Variants in TMEM108 observed in about 807,000 individuals in gnomAD.
The protein encoded by TMEM108 is cancer/testis antigen 124.
In TMEM108, 12 loss-of-function variants were observed where a neutral mutation model predicts 35.1. The observed-to-expected ratio is 0.34, with a 90% CI of 0.22 to 0.55. The LOEUF is 0.55. TMEM108 is among the 20% of genes least tolerant of loss of function. The probability of loss-of-function intolerance (pLI) is 0.89; values close to 1 mark genes in which losing one functional copy is unlikely to be tolerated. For missense variants in TMEM108, 680 were observed against 753.3 expected (o/e 0.90, Z 1.14); for synonymous variants, 287 against 308.6 (o/e 0.93, Z 0.73).
chr3:133,345,496 A>G (rs1185989562), intron 3 of TMEM108, among the ~76,000 whole-genome samples: 1 of 151,882 alleles, frequency 6.6e-6, no homozygotes, highest in Non-Finnish European at 1.5e-5. Context: ...CATGCCTTCC[A>G]CCATGATTAC....
intron 2 of TMEM108, among the ~76,000 whole-genome samples, chr3:133,139,046 T>C (rs1344372999): frequency 6.6e-6 from 1 of 152,152 alleles, no homozygotes; most frequent in Non-Finnish European, 1.5e-5. Context: ...GTTAGTTTGC[T>C]GAGAATGATG....
At chr3:133,049,064 A>C (rs1019826827) in intron 2 of TMEM108, among the ~76,000 whole-genome samples, 1 of 152,186 alleles carries the variant, frequency 6.6e-6, no homozygotes, top group South Asian at 2.1e-4. Flanking sequence ...TTTGAGAAGC[A>C]TTGCTTTGTT....
At chr3:133,353,746 A>G (rs2072076613) in intron 3 of TMEM108, among the ~76,000 whole-genome samples, 2 of 152,194 alleles carry the variant, frequency 1.3e-5, no homozygotes, top group Admixed American at 1.3e-4. Flanking sequence ...ACACACATAG[A>G]GGTGGTTTAG....
intron 3 of TMEM108, among the ~76,000 whole-genome samples, chr3:133,277,744 G>A (rs1946857694): frequency 6.6e-6 from 1 of 152,208 alleles, no homozygotes; most frequent in African/African-American, 2.4e-5. Context: ...TGGAGGTGAT[G>A]TTTGCAAGGC....
intron 2 of TMEM108, among the ~76,000 whole-genome samples, chr3:133,048,636 A>G (rs1943367308): frequency 6.6e-6 from 1 of 152,184 alleles, no homozygotes; most frequent in African/African-American, 2.4e-5. Context: ...GGTCCCTGTG[A>G]TTATTAGACT....
chr3:133,113,829 G>A (rs1186448141), intron 2 of TMEM108, among the ~76,000 whole-genome samples: 4 of 152,112 alleles, frequency 2.6e-5, no homozygotes, highest in African/African-American at 4.8e-5. Flanking sequence ...TTGGTTCTGG[G>A]TCCCAAGGCA....
intron 4 of TMEM108, among the ~76,000 whole-genome samples, chr3:133,384,507 A>G (rs1453897356): frequency 1.3e-5 from 2 of 152,192 alleles, no homozygotes; most frequent in Non-Finnish European, 1.5e-5. Flanking sequence ...GGGCTGAGAA[A>G]TGCTTTTCTC....
chr3:133,286,600 T>C (rs1300321683), intron 3 of TMEM108, among the ~76,000 whole-genome samples: 1 of 152,212 alleles, frequency 6.6e-6, no homozygotes, highest in Non-Finnish European at 1.5e-5. Flanking sequence ...GCCTCCCAGA[T>C]TGCTGGTATT....
intron 2 of TMEM108, among the ~76,000 whole-genome samples, chr3:133,088,805 G>A (rs932282911): frequency 7.2e-5 from 11 of 152,186 alleles, no homozygotes; most frequent in African/African-American, 2.7e-4. Flanking sequence ...AAGATTGACT[G>A]TGTCACAGCC....
At chr3:133,193,572 G>T (rs557673283) in intron 2 of TMEM108, among the ~76,000 whole-genome samples, 63 of 152,220 alleles carry the variant, frequency 4.1e-4, no homozygotes, top group African/African-American at 1.5e-3. Context: ...TAAGATTGCC[G>T]ATACCTATTT....
intron 3 of TMEM108, among the ~76,000 whole-genome samples, chr3:133,358,069 T>C (rs957615887): frequency 2.6e-5 from 4 of 152,186 alleles, no homozygotes; most frequent in African/African-American, 7.2e-5. Context: ...TGTCTACCAC[T>C]TACCTGGCCA....
At chr3:133,283,481 C>A (rs1946943438) in intron 3 of TMEM108, among the ~76,000 whole-genome samples, 1 of 152,186 alleles carries the variant, frequency 6.6e-6, no homozygotes, top group Non-Finnish European at 1.5e-5. Context: ...ATATGCTGTG[C>A]AATTTAATTA....
intron 3 of TMEM108, among the ~76,000 whole-genome samples, chr3:133,230,093 C>A (rs1946130816): frequency 1.3e-5 from 2 of 152,180 alleles, no homozygotes; most frequent in South Asian, 4.1e-4. Flanking sequence ...CGCTCCAGGT[C>A]AAACCAAAGC....
At chr3:133,200,923 A>G (rs543131049) in intron 2 of TMEM108, among the ~76,000 whole-genome samples, 1 of 152,194 alleles carries the variant, frequency 6.6e-6, no homozygotes, top group African/African-American at 2.4e-5. Context: ...TAGCTACTCT[A>G]TTGGACAGTA....
intron 3 of TMEM108, among the ~76,000 whole-genome samples, chr3:133,255,455 A>G (rs1330385824): frequency 6.6e-6 from 1 of 152,230 alleles, no homozygotes; most frequent in East Asian, 1.9e-4. Context: ...ATGTACTAAA[A>G]CAGAGCTTAA....
intron 1 of TMEM108, among the ~76,000 whole-genome samples, chr3:133,041,318 C>A (rs1943273243): frequency 6.6e-6 from 1 of 152,130 alleles, no homozygotes; most frequent in African/African-American, 2.4e-5. Flanking sequence ...AAAAGAAGGG[C>A]TCACAGAGAC....
intron 2 of TMEM108, among the ~76,000 whole-genome samples, chr3:133,067,583 G>A (rs1219247591): frequency 2.0e-5 from 3 of 152,112 alleles, no homozygotes; most frequent in African/African-American, 7.2e-5. Flanking sequence ...CTTCAGTCGT[G>A]GTTCTCTATT....
At chr3:133,340,496 C>T (rs560010895) in intron 3 of TMEM108, among the ~76,000 whole-genome samples, 1 of 151,454 alleles carries the variant, frequency 6.6e-6, no homozygotes, top group African/African-American at 2.4e-5. Flanking sequence ...ATTTAAAGAA[C>T]AACTAATACC....
intron 4 of TMEM108, chr3:133,388,984 C>T: frequency 2.0e-6 from 2 of 985,740 alleles, no homozygotes; most frequent in Non-Finnish European, 2.4e-6. Flanking sequence ...TGGTTGGCAC[C>T]ACCAGGATGT....
Sources: gnomAD v4.1 joint callset for allele counts (sites outside exome capture counted in the v4.1 genomes callset) on GRCh38, gnomAD v4.1.1 for gene constraint, MANE v1.5 for transcripts, NCBI Gene and HGNC (gene_info 2026-07-23, HGNC 2026-07-21) for gene names.